SV2B: variants seen among roughly 807,000 people sequenced by gnomAD.
The protein encoded by SV2B is synaptic vesicle glycoprotein 2B.
A neutral mutation model predicts 73.9 loss-of-function variants in SV2B; 41 were observed. The ratio of observed to expected loss-of-function variants is 0.56; its 90% CI spans 0.43 to 0.72. The LOEUF is 0.72. Among genes scored for constraint, SV2B ranks in the 30% least tolerant of loss-of-function variants. The pLI, the probability that SV2B is intolerant of heterozygous loss-of-function variation, is 0.00. For missense variants in SV2B, 764 were observed against 857.8 expected (o/e 0.89, Z 1.37); for synonymous variants, 314 against 314.2 (o/e 1.00, Z 0.01).
Position 91,136,033 on chromosome 15 carries a change from G to T in SV2B, c.-392+35670G>T, listed in dbSNP as rs1295209622. ...ACACACTTGATTTTTTTTTTGGCAT[G>T]TGTAGATATGAAAATAATATAAAGT... On this transcript the variant is annotated intron_variant, in intron 1 of 12. Transcript: ENST00000394232. The surrounding 1 kb of genome is among the most constrained non-coding windows in gnomAD (Gnocchi z 5.6). Among the ~76,000 whole-genome samples the T allele has an allele frequency of 6.6e-6, 1 of 151,856 alleles. No homozygotes were observed. Among genetic ancestry groups the T allele is most frequent in the Non-Finnish European group, 1.5e-5 (1 of 67,970 alleles).
chr15:91,237,438 C>T (rs1339172797), intron 2 of SV2B, among the ~76,000 whole-genome samples: 4 of 152,218 alleles, frequency 2.6e-5, no homozygotes, highest in African/African-American at 4.8e-5. Flanking sequence ...AGTTGACAAC[C>T]ACTGCACTAG....
At chr15:91,133,553 A>C (rs1248590874) in intron 1 of SV2B, among the ~76,000 whole-genome samples, 1 of 152,042 alleles carries the variant, frequency 6.6e-6, no homozygotes, top group African/African-American at 2.4e-5. Context: ...TGCAGATGTC[A>C]ATTTATTGAG....
At chr15:91,235,155 A>T (rs1453481401) in intron 2 of SV2B, among the ~76,000 whole-genome samples, 1 of 152,220 alleles carries the variant, frequency 6.6e-6, no homozygotes, top group Non-Finnish European at 1.5e-5. Flanking sequence ...TGGAGAAAGA[A>T]ATATGCAATT....
At chr15:91,158,185 A>G (rs1205479104) in intron 1 of SV2B, among the ~76,000 whole-genome samples, 1 of 152,182 alleles carries the variant, frequency 6.6e-6, no homozygotes, top group Non-Finnish European at 1.5e-5. Context: ...TGTTTGGGTC[A>G]AGAGGGCTCT....
At chr15:91,247,057 C>T (rs2047264321) in intron 2 of SV2B, among the ~76,000 whole-genome samples, 1 of 152,184 alleles carries the variant, frequency 6.6e-6, no homozygotes, top group Non-Finnish European at 1.5e-5. Flanking sequence ...TATTTCCCTT[C>T]CCTGGTGATA....
intron 1 of SV2B, among the ~76,000 whole-genome samples, chr15:91,194,582 C>G (rs899945487): frequency 6.6e-6 from 1 of 152,164 alleles, no homozygotes; most frequent in Non-Finnish European, 1.5e-5. Flanking sequence ...AAATGAATTT[C>G]TGATAAATTC....
At position 91,284,255 on chromosome 15, in the gene SV2B, A is replaced by T. The variant is rs115104130; in HGVS notation, c.1708+34A>T. 3.7e-6 allele frequency: 6 copies of T among 1,609,906 alleles called. No homozygotes were observed. Among genetic ancestry groups the T allele is most frequent in the Non-Finnish European group, 5.1e-6 (6 of 1,176,620 alleles). Reference sequence around the variant, plus strand: ...CCAGCAGGGTCATTCCTGGGTTCCAACGCGCTGGGGTGGTGACTTTCAAGT... The same window carrying T: ...CCAGCAGGGTCATTCCTGGGTTCCATCGCGCTGGGGTGGTGACTTTCAAGT... On this transcript the variant is annotated intron_variant, in intron 11 of 12. Coordinates refer to ENST00000394232, the MANE Select transcript of SV2B (RefSeq NM_001323032.3). The surrounding 1 kb of genome is among the most constrained non-coding windows in gnomAD (Gnocchi z 4.5).
intron 1 of SV2B, among the ~76,000 whole-genome samples, chr15:91,153,796 A>G (rs559851655): frequency 6.8e-6 from 1 of 146,020 alleles, no homozygotes; most frequent in African/African-American, 2.7e-5. Flanking sequence ...GGGTCAAAGA[A>G]TTATGTGAGG....
rs2141840146 is a variant in SV2B, at chr15:91,297,840, C to T, written c.*5288C>T. 6.6e-6 allele frequency: 1 copy of T among 152,334 alleles called. No homozygotes were observed. The highest frequency in any genetic ancestry group is 2.4e-5 in the African/African-American group (1 of 41,568). 9.4% of individuals were successfully genotyped at this position (152,334 alleles called of 1,614,324 possible). A position where few individuals can be genotyped will look rare whatever the true frequency, so the allele number is the denominator to read the frequency against. On this transcript the variant is annotated 3_prime_UTR_variant, in exon 13 of 13. Transcript: ENST00000394232. This position sits in a 1 kb window ranked among gnomAD's most constrained non-coding sequence, Gnocchi z 5.1. Reference sequence around the variant, plus strand: ...CTGCTTGGTTTCACTCAGGTCCTGTCCTTATGGGCCTGTGTCTGGTTGCAG... The same window carrying T: ...CTGCTTGGTTTCACTCAGGTCCTGTTCTTATGGGCCTGTGTCTGGTTGCAG...
At position 91,253,148 on chromosome 15, in the gene SV2B, A is replaced by G. The variant is rs1282585541; in HGVS notation, c.784+628A>G. On this transcript the variant is annotated intron_variant, in intron 4 of 12. Transcript: ENST00000394232. The surrounding 1 kb of genome is among the most constrained non-coding windows in gnomAD (Gnocchi z 5.0). ...TCTGGACAGAGACCTGGCAACATCAACTTTTACTACTGGTTTCGTCAAGAG... is the reference window on the plus strand; with the variant it reads ...TCTGGACAGAGACCTGGCAACATCAGCTTTTACTACTGGTTTCGTCAAGAG... Among the ~76,000 whole-genome samples the G allele has an allele frequency of 6.6e-6, 1 of 152,230 alleles. No individual in the cohort carries two copies. The highest frequency in any genetic ancestry group is 1.5e-5 in the Non-Finnish European group (1 of 68,034).
chr15:91,196,059 A>G (rs2045234416), intron 1 of SV2B, among the ~76,000 whole-genome samples: 1 of 152,252 alleles, frequency 6.6e-6, no homozygotes, highest in Non-Finnish European at 1.5e-5. Context: ...TTTGTTTATA[A>G]TAATTTATTA....
intron 1 of SV2B, among the ~76,000 whole-genome samples, chr15:91,188,646 C>T (rs2044874973): frequency 6.6e-6 from 1 of 151,740 alleles, no homozygotes; most frequent in South Asian, 2.1e-4. Context: ...ATGAATATGT[C>T]ATTTGAATAG....
intron 1 of SV2B, among the ~76,000 whole-genome samples, chr15:91,219,270 C>T (rs1303475756): frequency 6.6e-6 from 1 of 152,276 alleles, no homozygotes; most frequent in Non-Finnish European, 1.5e-5. Flanking sequence ...TCTTGATACA[C>T]CATCAAGATT....
chr15:91,213,154 GAAAA>G (rs2045922642), intron 1 of SV2B, among the ~76,000 whole-genome samples: 1 of 152,006 alleles, frequency 6.6e-6, no homozygotes, highest in South Asian at 2.1e-4. Context: ...CCCTGTCTCA[GAAAA>G]ATAAATAAAC....
intron 2 of SV2B, among the ~76,000 whole-genome samples, chr15:91,238,955 G>C (rs1413764442): frequency 2.0e-5 from 3 of 152,252 alleles, no homozygotes; most frequent in Non-Finnish European, 4.4e-5. Flanking sequence ...AGGCCAGTGG[G>C]TGTAAAATTC....
At chr15:91,166,798 TTTTTCTTTTG>T (rs1223645726) in intron 1 of SV2B, among the ~76,000 whole-genome samples, 26 of 151,152 alleles carry the variant, frequency 1.7e-4, no homozygotes, top group Non-Finnish European at 3.4e-4. Context: ...TTTTGTATAG[TTTTTCTTTTG>T]TTTTCTTTTC....
At chr15:91,200,576 G>C (rs1438971460) in intron 1 of SV2B, among the ~76,000 whole-genome samples, 1 of 152,100 alleles carries the variant, frequency 6.6e-6, no homozygotes, top group African/African-American at 2.4e-5. Flanking sequence ...TGCATGAGAA[G>C]GTCAGATGGT....
chr15:91,264,816 A>G (rs182595099), intron 6 of SV2B, among the ~76,000 whole-genome samples: 9 of 152,248 alleles, frequency 5.9e-5, no homozygotes, highest in Non-Finnish European at 8.8e-5. Flanking sequence ...GCAGAAATCA[A>G]TGTGCGGAGA....
chr15:91,295,138 T>C lies in SV2B; in HGVS notation c.*2586T>C, dbSNP rs963786293. The C allele has an allele frequency of 6.6e-6, 1 of 152,630 alleles. No individual in the cohort carries two copies. Among genetic ancestry groups the C allele is most frequent in the South Asian group, 2.1e-4 (1 of 4,826 alleles). The allele number at this position is 152,630 out of a possible 1,614,324, so 9.5% of individuals were successfully genotyped here. A position where few individuals can be genotyped will look rare whatever the true frequency, so the allele number is the denominator to read the frequency against. On this transcript the variant is annotated 3_prime_UTR_variant, in exon 13 of 13. Transcript: ENST00000394232. ...GGGTTAAAGGGATGAGGCTTTCCTT[T>C]GTTTAGCAAATCTGTTCACAGTTCT...
Sources: gnomAD v4.1 joint callset for allele counts (sites outside exome capture counted in the v4.1 genomes callset) on GRCh38, gnomAD v4.1.1 for gene constraint, Gnocchi (gnomAD v3.1) non-coding constraint, MANE v1.5 for transcripts, NCBI Gene and HGNC (gene_info 2026-07-23, HGNC 2026-07-21) for gene names.